SORCS2: variants seen among roughly 807,000 people sequenced by gnomAD.
The protein encoded by SORCS2 is sortilin related VPS10 domain containing receptor 2, also known as VPS10 domain-containing receptor SorCS2.
SORCS2 carries 100 observed loss-of-function variants against 141.6 expected under a neutral mutation model. The observed-to-expected ratio is 0.71, with a 90% CI of 0.60 to 0.83. The LOEUF is 0.83. Ranked by LOEUF, SORCS2 falls within the 40% of genes least tolerant of loss-of-function variation. The pLI, the probability that SORCS2 is intolerant of heterozygous loss-of-function variation, is 0.00. For synonymous variants in SORCS2, 789 were observed against 676.9 expected, an observed-to-expected ratio of 1.17 and a Z score of -2.57; for missense variants, 1,646 against 1,560.2, an observed-to-expected ratio of 1.05 and a Z score of -0.93.
At chr4:7,552,876 T>G (rs1482058797) in intron 3 of SORCS2, among the ~76,000 whole-genome samples, 1 of 151,916 alleles carries the variant, frequency 6.6e-6, no homozygotes, top group African/African-American at 2.4e-5. Flanking sequence ...GTGGTCTCTG[T>G]AGAAGTATAG....
In SORCS2 at chr4:7,268,729, A is replaced by C. The variant is rs138412085; in HGVS notation, c.480+75603A>C. 7.2e-3 allele frequency among the ~76,000 whole-genome samples: 1,089 copies of C among 152,252 alleles called. 4 individuals are homozygous for C. The highest frequency in any genetic ancestry group is 9.6e-3 in the African/African-American group (398 of 41,556). On this transcript the variant is annotated intron_variant, in intron 1 of 26. Coordinates refer to ENST00000507866, the MANE Select transcript of SORCS2 (RefSeq NM_020777.3). ...AGACAACAACCTGGCCAGGGAGTGG[A>C]GGAGGAGCAGGGAGGGCTTCCAGGA...
intron 3 of SORCS2, among the ~76,000 whole-genome samples, chr4:7,536,031 A>G (rs1712097258): frequency 6.6e-6 from 1 of 152,206 alleles, no homozygotes; most frequent in Admixed American, 6.5e-5. Context: ...CTGCCTCAGG[A>G]GAATGAAACA....
chr4:7,485,064 C>T (rs1730891012), intron 2 of SORCS2, among the ~76,000 whole-genome samples: 1 of 152,196 alleles, frequency 6.6e-6, no homozygotes, highest in Non-Finnish European at 1.5e-5. Context: ...AGTGAATGAA[C>T]AAGAGATGTA....
Position 7,697,283 on chromosome 4 carries a change from G to T in SORCS2, c.1668+9G>T, listed in dbSNP as rs371686728. ...GTCACACCTGGCGGCAGGTAAGCTG[G>T]CTGGGAGGTGCCTGGTACCCCCCAC... On this transcript the variant is annotated intron_variant, in intron 12 of 26. Transcript: ENST00000507866. 8.2e-6 allele frequency: 13 copies of T among 1,577,114 alleles called. No individual in the cohort carries two copies. Among genetic ancestry groups the T allele is most frequent in the Non-Finnish European group, 1.1e-5 (13 of 1,161,838 alleles).
Position 7,414,575 on chromosome 4 carries a change from G to A in SORCS2, c.548+18220G>A, listed in dbSNP as rs532510363. Reference sequence around the variant, plus strand: ...TCTCTCGGCCACGAGGAAGGGGCTCGATTAACTTTTATACCTAGGTTTAGG... The same window carrying A: ...TCTCTCGGCCACGAGGAAGGGGCTCAATTAACTTTTATACCTAGGTTTAGG... On this transcript the variant is annotated intron_variant, in intron 2 of 26. Coordinates refer to ENST00000507866, the MANE Select transcript of SORCS2 (RefSeq NM_020777.3). 2.3e-3 allele frequency among the ~76,000 whole-genome samples: 343 copies of A among 152,248 alleles called. 1 individual carries two copies. The highest frequency in any genetic ancestry group is 7.7e-3 in the African/African-American group (322 of 41,550).
At position 7,267,609 on chromosome 4, in the gene SORCS2, T is replaced by G. The variant is rs369664447; in HGVS notation, c.480+74483T>G. ...ACTTTGGGAGGCTGAGGCAGGCAGA[T>G]CACCCGAGGTCAGGAGTTCGAGACC... On this transcript the variant is annotated intron_variant, in intron 1 of 26. Transcript: ENST00000507866. Among the ~76,000 whole-genome samples the G allele has an allele frequency of 3.3e-5, 5 of 152,282 alleles. No homozygotes were observed. In the Middle Eastern group the frequency reaches 0.01, roughly 311 times the overall value.
intron 1 of SORCS2, among the ~76,000 whole-genome samples, chr4:7,355,606 G>C (rs1049129979): frequency 3.3e-5 from 5 of 152,178 alleles, no homozygotes; most frequent in African/African-American, 4.8e-5. Context: ...CCGAGGGAGA[G>C]AGCACGGAGG....
At chr4:7,587,925 C>T (rs1029890828) in intron 3 of SORCS2, among the ~76,000 whole-genome samples, 1 of 152,204 alleles carries the variant, frequency 6.6e-6, no homozygotes, top group Non-Finnish European at 1.5e-5. Context: ...GATTGCTTTC[C>T]TGTGACAACG....
intron 1 of SORCS2, among the ~76,000 whole-genome samples, chr4:7,272,294 T>C (rs1156669602): frequency 6.6e-6 from 1 of 152,230 alleles, no homozygotes; most frequent in Non-Finnish European, 1.5e-5. Flanking sequence ...TCAAAGCGTA[T>C]ATTTCATATC....
At chr4:7,212,099 T>C (rs1450128356) in intron 1 of SORCS2, among the ~76,000 whole-genome samples, 1 of 152,146 alleles carries the variant, frequency 6.6e-6, no homozygotes, top group Non-Finnish European at 1.5e-5. Context: ...AAAGAAAAGA[T>C]GGGAGCGGAG....
intron 1 of SORCS2, among the ~76,000 whole-genome samples, chr4:7,352,010 C>T (rs1371635909): frequency 6.6e-6 from 1 of 152,056 alleles, no homozygotes; most frequent in South Asian, 2.1e-4. Context: ...ACCCATCCAC[C>T]CCTTAATCCA....
rs891963862 is a variant in SORCS2 at position 7,663,618 on chromosome 4, C to G, written c.953-735C>G. ...CCACCCCATTGTTCAGTGCAGAAAC[C>G]TGAGGCTGAGCTTAGGGGTGGGCTT... On this transcript the variant is annotated intron_variant, in intron 6 of 26. Transcript: ENST00000507866. This position sits in a 1 kb window ranked among gnomAD's most constrained non-coding sequence, Gnocchi z 4.8. Among the ~76,000 whole-genome samples, 4 of 152,220 alleles carry G rather than the reference C, an allele frequency of 2.6e-5. No individual in the cohort carries two copies. The highest frequency in any genetic ancestry group is 4.4e-5 in the Non-Finnish European group (3 of 68,040).
intron 1 of SORCS2, among the ~76,000 whole-genome samples, chr4:7,248,304 G>A (rs2008120): frequency 0.72 from 109,668 of 152,042 alleles, 40,189 homozygotes; most frequent in East Asian, 0.8. Flanking sequence ...GTTCCAGGCC[G>A]GCAACTCCTT....
At chr4:7,525,920 C>T (rs1381599263) in intron 2 of SORCS2, among the ~76,000 whole-genome samples, 9 of 33,988 alleles carry the variant, frequency 2.6e-4, no homozygotes, top group Admixed American at 7.1e-4. Context: ...GTCACCTGTC[C>T]CCTCCTCACA....
intron 2 of SORCS2, among the ~76,000 whole-genome samples, chr4:7,497,736 C>T (rs952568938): frequency 5.3e-5 from 8 of 152,234 alleles, no homozygotes; most frequent in African/African-American, 7.2e-5. Context: ...GGTTGGGAAA[C>T]GGAGGATCCA....
intron 2 of SORCS2, among the ~76,000 whole-genome samples, chr4:7,519,003 C>G (rs995407518): frequency 1.3e-5 from 2 of 152,168 alleles, no homozygotes; most frequent in African/African-American, 4.8e-5. Flanking sequence ...TGCTGGCAGC[C>G]TCGGGCTTGC....
In SORCS2 at chr4:7,318,916, A is replaced by G. The variant is rs1718725516; in HGVS notation, c.481-77372A>G. ...TCTCCTGCCATCTTAATCTCTGACAACTACCGATCTGGTTTTGGTCTGTAT... is the reference window on the plus strand; with the variant it reads ...TCTCCTGCCATCTTAATCTCTGACAGCTACCGATCTGGTTTTGGTCTGTAT... On this transcript the variant is annotated intron_variant, in intron 1 of 26. Transcript: ENST00000507866. Among the ~76,000 whole-genome samples, 3 of 152,170 alleles carry G rather than the reference A, an allele frequency of 2.0e-5. 1 individual carries two copies. The highest frequency in any genetic ancestry group is 4.4e-5 in the Non-Finnish European group (3 of 68,044).
intron 1 of SORCS2, among the ~76,000 whole-genome samples, chr4:7,330,238 C>G (rs571645594): frequency 5.3e-5 from 8 of 151,966 alleles, no homozygotes; most frequent in Admixed American, 3.9e-4. Context: ...CTCCCCATCC[C>G]GAGAGCCTTC....
intron 1 of SORCS2, among the ~76,000 whole-genome samples, chr4:7,259,932 CAG>C (rs1249492462): frequency 6.6e-6 from 1 of 152,250 alleles, no homozygotes; most frequent in Non-Finnish European, 1.5e-5. Context: ...TTGGGCAGGA[CAG>C]AGTTTCCTCT....
Sources: allele counts gnomAD v4.1 joint callset (sites outside exome capture counted in the v4.1 genomes callset), GRCh38; gene constraint gnomAD v4.1.1; non-coding constraint Gnocchi (gnomAD v3.1); transcripts MANE v1.5; gene names NCBI Gene and HGNC (gene_info 2026-07-23, HGNC 2026-07-21).